NKIRAS1: variants seen among roughly 807,000 people sequenced by gnomAD.
NKIRAS1 encodes NF-kappa-B inhibitor-interacting Ras-like protein 1.
Under a neutral mutation model 19.8 loss-of-function variants are expected in NKIRAS1, and 16 were observed. The observed-to-expected ratio is 0.81, with a 90% confidence interval of 0.55 to 1.23. The LOEUF (loss-of-function observed/expected upper bound fraction) is 1.23, where lower values mean the gene tolerates loss of function less well. Ranked by LOEUF, NKIRAS1 falls within the 50% of genes most tolerant of loss-of-function variation. The pLI, the probability that NKIRAS1 is intolerant of heterozygous loss-of-function variation, is 0.00. For missense variants in NKIRAS1, 184 were observed against 220.0 expected (o/e 0.84, Z 1.04); for synonymous variants, 88 against 79.0 (o/e 1.11, Z -0.61).
In NKIRAS1 at chr3:23,926,788, C is replaced by T. The variant is rs998504535; in HGVS notation, c.-139-15338G>A. Among the ~76,000 whole-genome samples, 21 of 152,178 alleles carry T rather than the reference C, an allele frequency of 1.4e-4. No individual in the cohort carries two copies. The highest frequency in any genetic ancestry group is 1.5e-5 in the Non-Finnish European group (1 of 68,016). ...TTGGTCGAAAAAGACCTTTAGTTTT[C>T]CATTTGCTGCAATTTGGCTGCATCT... On this transcript the variant is annotated intron_variant, in intron 1 of 4. Coordinates refer to the NKIRAS1 transcript ENST00000421515. This position sits in a 1 kb window ranked among gnomAD's most constrained non-coding sequence, Gnocchi z 4.3.
chr3:23,912,729 G>A (rs1236886464), intron 1 of NKIRAS1, among the ~76,000 whole-genome samples: 3 of 152,126 alleles, frequency 2.0e-5, no homozygotes, highest in African/African-American at 7.2e-5. Flanking sequence ...CTGCTATAAG[G>A]ACACATGCAC....
chr3:23,942,908 C>T (rs1705533208), intron 1 of NKIRAS1, among the ~76,000 whole-genome samples: 1 of 152,162 alleles, frequency 6.6e-6, no homozygotes, highest in South Asian at 2.1e-4. Flanking sequence ...CCACCAAACC[C>T]GGCTAATTTT....
intron 4 of NKIRAS1, among the ~76,000 whole-genome samples, chr3:23,900,407 G>A (rs905219656): frequency 1.3e-4 from 20 of 152,058 alleles, no homozygotes; most frequent in African/African-American, 4.1e-4. Context: ...GGCCAAGGCC[G>A]GCAAAGCACT....
intron 1 of NKIRAS1, among the ~76,000 whole-genome samples, chr3:23,930,723 CAG>C (rs1705300045): frequency 6.6e-6 from 1 of 152,074 alleles, no homozygotes; most frequent in Non-Finnish European, 1.5e-5. Context: ...TTTTCTGAGA[CAG>C]GGTCGTACTC....
upstream of NKIRAS1, chr3:23,920,644 C>G (rs117552532): frequency 1.0e-6 from 1 of 984,718 alleles, no homozygotes; most frequent in Non-Finnish European, 1.2e-6. Context: ...TTTAAATGCT[C>G]GTTCTGAACC....
intron 4 of NKIRAS1, among the ~76,000 whole-genome samples, chr3:23,897,904 C>G (rs144052628): frequency 6.6e-6 from 1 of 152,280 alleles, no homozygotes; most frequent in Admixed American, 6.5e-5. Flanking sequence ...TAGAACAATG[C>G]CTGGCACATA....
upstream of NKIRAS1, chr3:23,919,469 C>T (rs1298798426): frequency 1.3e-6 from 2 of 1,598,068 alleles, no homozygotes; most frequent in Non-Finnish European, 1.7e-6. Flanking sequence ...TTGGAGAAGG[C>T]GCAATACTCT....
chr3:23,937,754 T>C (rs960239920), intron 1 of NKIRAS1, among the ~76,000 whole-genome samples: 1 of 152,206 alleles, frequency 6.6e-6, no homozygotes, highest in African/African-American at 2.4e-5. Flanking sequence ...CTTAAAAAAA[T>C]TCAACTAGGG....
upstream of NKIRAS1, chr3:23,918,232 T>TA (rs1704787938): frequency 1.1e-6 from 1 of 919,762 alleles, no homozygotes. Context: ...CTGAATGAGT[T>TA]CAGACTAAAG....
At chr3:23,929,421 T>C (rs1428375706) in intron 1 of NKIRAS1, among the ~76,000 whole-genome samples, 1 of 151,628 alleles carries the variant, frequency 6.6e-6, no homozygotes, top group Non-Finnish European at 1.5e-5. Flanking sequence ...CTGAAAAAAT[T>C]TGTTTATTTA....
intron 1 of NKIRAS1, among the ~76,000 whole-genome samples, chr3:23,937,676 ACTTTT>A (rs1355162540): frequency 1.3e-5 from 2 of 152,114 alleles, no homozygotes; most frequent in Non-Finnish European, 2.9e-5. Flanking sequence ...CTGTCATGCA[ACTTTT>A]CTTATTTTCT....
upstream of NKIRAS1, chr3:23,920,845 A>G: frequency 1.0e-5 from 9 of 884,618 alleles, no homozygotes; most frequent in Non-Finnish European, 1.2e-5. Context: ...AAACTAAAAC[A>G]AATGGACCTT....
chr3:23,918,938 G>T (rs1489895449), upstream of NKIRAS1: 2 of 542,248 alleles, frequency 3.7e-6, no homozygotes, highest in African/African-American at 1.9e-5. Flanking sequence ...TTGTTACCCA[G>T]ATATTAACAT....
At chr3:23,938,193 T>C (rs965943247) in intron 1 of NKIRAS1, among the ~76,000 whole-genome samples, 3 of 149,260 alleles carry the variant, frequency 2.0e-5, no homozygotes, top group Admixed American at 6.9e-5. Context: ...AACCCTCTCA[T>C]TGAGAAGTAC....
chr3:23,938,774 C>G (rs1705441831), intron 1 of NKIRAS1, among the ~76,000 whole-genome samples: 1 of 152,154 alleles, frequency 6.6e-6, no homozygotes, highest in South Asian at 2.1e-4. Context: ...GAGGCATGAT[C>G]AGAAAAGGTG....
upstream of NKIRAS1, chr3:23,919,116 A>G (rs770870576): frequency 4.3e-6 from 4 of 927,002 alleles, no homozygotes; most frequent in Admixed American, 2.0e-5. Flanking sequence ...GGTGAACTAG[A>G]GTTGAGAATT....
chr3:23,918,367 A>G, upstream of NKIRAS1: 1 of 1,509,166 alleles, frequency 6.6e-7, no homozygotes, highest in Non-Finnish European at 9.0e-7. Context: ...GTGGAGTATT[A>G]GTGACAAGCC....
At chr3:23,910,380 C>G (rs1044878432) in intron 3 of NKIRAS1, among the ~76,000 whole-genome samples, 1 of 151,936 alleles carries the variant, frequency 6.6e-6, no homozygotes, top group African/African-American at 2.4e-5. Flanking sequence ...GTCTTGAACT[C>G]CTGACATCAG....
chr3:23,924,995 C>T (rs188022227), intron 1 of NKIRAS1, among the ~76,000 whole-genome samples: 9 of 152,278 alleles, frequency 5.9e-5, no homozygotes, highest in Non-Finnish European at 1.3e-4. Flanking sequence ...TGGAACATTG[C>T]GAGGTGTCCA....
Sources: allele counts gnomAD v4.1 joint callset (sites outside exome capture counted in the v4.1 genomes callset), GRCh38; gene constraint gnomAD v4.1.1; non-coding constraint Gnocchi (gnomAD v3.1); transcripts MANE v1.5; gene names NCBI Gene and HGNC (gene_info 2026-07-23, HGNC 2026-07-21).